The following NCAM2 variants were observed in gnomAD, a reference collection of about 807,000 sequenced individuals.
The protein encoded by NCAM2 is N-CAM-2.
In NCAM2, 30 loss-of-function variants were observed where a neutral mutation model predicts 98.1. That is an observed-to-expected ratio of 0.31 (90% CI 0.23 to 0.41). NCAM2 has a LOEUF of 0.41. NCAM2 is among the 10% of genes least tolerant of loss of function. The pLI, the probability that NCAM2 is intolerant of heterozygous loss-of-function variation, is 1.00. For synonymous variants in NCAM2, 368 were observed against 342.4 expected (o/e 1.07, Z -0.83); for missense variants, 867 against 1,005.8 (o/e 0.86, Z 1.87).
intron 12 of NCAM2, among the ~76,000 whole-genome samples, chr21:21,457,823 T>G (rs550699519): frequency 6.6e-6 from 1 of 152,318 alleles, no homozygotes; most frequent in Admixed American, 6.5e-5. Context: ...AAATACATGA[T>G]TTAAAGATAG....
chr21:21,451,786 G>T (rs540555979), intron 12 of NCAM2, among the ~76,000 whole-genome samples: 1 of 152,008 alleles, frequency 6.6e-6, no homozygotes, highest in Non-Finnish European at 1.5e-5. Context: ...GCTTCATGAC[G>T]CTGCTTCAAC....
At chr21:21,370,190 A>G (rs1467227939) in intron 8 of NCAM2, among the ~76,000 whole-genome samples, 1 of 151,866 alleles carries the variant, frequency 6.6e-6, no homozygotes, top group Non-Finnish European at 1.5e-5. Flanking sequence ...TGTCTACCAA[A>G]TTAGGTTTCC....
intron 5 of NCAM2, among the ~76,000 whole-genome samples, chr21:21,298,044 G>A (rs891468601): frequency 6.6e-6 from 1 of 151,714 alleles, no homozygotes; most frequent in East Asian, 1.9e-4. Context: ...GTACAAATGA[G>A]TGTCTGAATG....
intron 1 of NCAM2, among the ~76,000 whole-genome samples, chr21:21,267,077 A>G (rs537883240): frequency 6.1e-4 from 93 of 152,232 alleles, no homozygotes; most frequent in Middle Eastern, 6.8e-3. Flanking sequence ...GTAAATAACA[A>G]CTCACCAGGG....
intron 15 of NCAM2, among the ~76,000 whole-genome samples, chr21:21,508,279 T>C (rs1988116578): frequency 6.6e-6 from 1 of 152,166 alleles, no homozygotes; most frequent in Admixed American, 6.5e-5. Flanking sequence ...GATCCATTTC[T>C]TGCCAAATGA....
At chr21:21,413,346 A>C (rs1249064902) in intron 10 of NCAM2, among the ~76,000 whole-genome samples, 1 of 152,184 alleles carries the variant, frequency 6.6e-6, no homozygotes, top group African/African-American at 2.4e-5. Flanking sequence ...GAAGAAATAA[A>C]TATTTTTAGG....
intron 1 of NCAM2, among the ~76,000 whole-genome samples, chr21:21,011,423 T>C (rs1008080637): frequency 2.0e-5 from 3 of 152,062 alleles, no homozygotes; most frequent in African/African-American, 4.8e-5. Context: ...CAGGTTTTTA[T>C]CATTTTTTTC....
chr21:21,017,011 G>A (rs1194125338), intron 1 of NCAM2, among the ~76,000 whole-genome samples: 2 of 152,116 alleles, frequency 1.3e-5, no homozygotes, highest in African/African-American at 4.8e-5. Context: ...CATTTTTCAA[G>A]GTAAATATTT....
In NCAM2 at chr21:21,007,363, G is replaced by T. The variant is rs111527774; in HGVS notation, c.55+8745G>T. ...GAGAGGATTCTTGGATCTTGCACAA[G>T]AAAGAATTCAGGGCAAGTCCATAGA... On this transcript the variant is annotated intron_variant, in intron 1 of 17. Transcript: ENST00000400546. Among the ~76,000 whole-genome samples the T allele has an allele frequency of 2.1e-3, 325 of 152,230 alleles. 3 individuals are homozygous for T. The highest frequency in any genetic ancestry group is 4.4e-3 in the South Asian group (21 of 4,824).
intron 1 of NCAM2, among the ~76,000 whole-genome samples, chr21:21,033,171 A>G (rs2064724956): frequency 6.6e-6 from 1 of 151,484 alleles, no homozygotes; most frequent in South Asian, 2.1e-4. Flanking sequence ...CTGGTGTCAA[A>G]CTCCTGAGCT....
intron 1 of NCAM2, among the ~76,000 whole-genome samples, chr21:21,259,837 C>A (rs530104097): frequency 4.1e-4 from 62 of 150,844 alleles, no homozygotes; most frequent in Admixed American, 7.3e-4. Context: ...ATCCAAACAA[C>A]CATACACAAC....
At chr21:21,419,088 T>C (rs1437639379) in intron 11 of NCAM2, among the ~76,000 whole-genome samples, 1 of 152,166 alleles carries the variant, frequency 6.6e-6, no homozygotes, top group Admixed American at 6.6e-5. Context: ...GTGGGTGTCA[T>C]GTAATTTTAA....
chr21:21,275,236 T>C (rs900209317), intron 1 of NCAM2, among the ~76,000 whole-genome samples: 20 of 151,598 alleles, frequency 1.3e-4, no homozygotes, highest in East Asian at 1.9e-4. Context: ...GTCAGGAGAT[T>C]GAGACCATCC....
At chr21:21,042,234 G>T (rs1380219721) in intron 1 of NCAM2, among the ~76,000 whole-genome samples, 1 of 152,112 alleles carries the variant, frequency 6.6e-6, no homozygotes, top group Non-Finnish European at 1.5e-5. Context: ...GCCCAAGCTG[G>T]AGTGCAATGG....
At chr21:21,008,685 G>A (rs1327482604) in intron 1 of NCAM2, among the ~76,000 whole-genome samples, 7 of 152,180 alleles carry the variant, frequency 4.6e-5, no homozygotes, top group African/African-American at 1.7e-4. Context: ...TTACTTCTTG[G>A]TATGAAACAT....
intron 12 of NCAM2, among the ~76,000 whole-genome samples, chr21:21,452,892 T>C (rs1351421425): frequency 9.8e-6 from 1 of 101,602 alleles, no homozygotes; most frequent in Admixed American, 1.5e-4. Context: ...TTATATATTA[T>C]ATAATATATA....
intron 1 of NCAM2, among the ~76,000 whole-genome samples, chr21:21,010,829 A>T (rs1251440005): frequency 6.6e-6 from 1 of 152,084 alleles, no homozygotes; most frequent in Non-Finnish European, 1.5e-5. Context: ...ACTCCGAAAC[A>T]CATTCTAACC....
At chr21:21,306,763 GT>G (rs1568913992) in intron 5 of NCAM2, among the ~76,000 whole-genome samples, 2 of 152,048 alleles carry the variant, frequency 1.3e-5, no homozygotes, top group African/African-American at 4.8e-5. Context: ...TAGTCACCCT[GT>G]TATGGTATCA....
intron 16 of NCAM2, among the ~76,000 whole-genome samples, chr21:21,533,166 C>CTTTTTTTTTTTTT (rs201532023): frequency 0.12 from 11,321 of 90,994 alleles, 1,663 homozygotes; most frequent in Non-Finnish European, 0.17. Context: ...TGTTTGCTTG[C>CTTTTTTTTTTTTT]TTTTTTTTTT....
Sources: gnomAD v4.1 joint callset for allele counts (sites outside exome capture counted in the v4.1 genomes callset) on GRCh38, gnomAD v4.1.1 for gene constraint, MANE v1.5 for transcripts, NCBI Gene and HGNC (gene_info 2026-07-23, HGNC 2026-07-21) for gene names.